LRRIQ3: variants seen among roughly 807,000 people sequenced by gnomAD.
The protein encoded by LRRIQ3 is leucine rich repeats and IQ motif containing 3.
LRRIQ3 carries 75 observed loss-of-function variants against 59.3 expected under a neutral mutation model. That is an observed-to-expected ratio of 1.26 (90% CI 1.05 to 1.53). The LOEUF (loss-of-function observed/expected upper bound fraction) is 1.53. Ranked by LOEUF, LRRIQ3 falls within the 40% of genes most tolerant of loss-of-function variation. The pLI, the probability that LRRIQ3 is intolerant of heterozygous loss-of-function variation, is 0.00. For synonymous variants in LRRIQ3, 250 were observed against 231.3 expected, an observed-to-expected ratio of 1.08 and a Z score of -0.73; for missense variants, 831 against 710.0, an observed-to-expected ratio of 1.17 and a Z score of -1.94.
chr1:74,180,813 A>G (rs879094592), intron 3 of LRRIQ3: 1 of 1,548,072 alleles, frequency 6.5e-7, no homozygotes, highest in South Asian at 1.2e-5. Flanking sequence ...CCAAGGAAAC[A>G]ATGAGGAATA....
intron 4 of LRRIQ3, among the ~76,000 whole-genome samples, chr1:74,141,860 T>C (rs1430246362): frequency 6.6e-6 from 1 of 151,878 alleles, no homozygotes; most frequent in Non-Finnish European, 1.5e-5. Flanking sequence ...GAGTATCAAC[T>C]GAAAAGCAGT....
At chr1:74,098,653 A>T (rs1646485217) in intron 5 of LRRIQ3, among the ~76,000 whole-genome samples, 1 of 152,174 alleles carries the variant, frequency 6.6e-6, no homozygotes, top group South Asian at 2.1e-4. Context: ...TATAGTTGCA[A>T]GTAAAGCACT....
At chr1:74,062,081 T>G (rs929469275) in intron 6 of LRRIQ3, among the ~76,000 whole-genome samples, 45 of 152,108 alleles carry the variant, frequency 3.0e-4, no homozygotes, top group African/African-American at 6.5e-4. Flanking sequence ...TTAAAAAGCT[T>G]CTTCTGCAAG....
At chr1:74,143,058 C>A (rs991213402) in intron 4 of LRRIQ3, among the ~76,000 whole-genome samples, 1 of 151,978 alleles carries the variant, frequency 6.6e-6, no homozygotes, top group African/African-American at 2.4e-5. Context: ...ATATAAACAT[C>A]TATTTTTTAT....
chr1:74,172,127 T>C (rs565909916), intron 3 of LRRIQ3, among the ~76,000 whole-genome samples: 1 of 152,278 alleles, frequency 6.6e-6, no homozygotes, highest in Non-Finnish European at 1.5e-5. Context: ...TTTGTTTCTT[T>C]ATTTCTGCCA....
intron 3 of LRRIQ3, among the ~76,000 whole-genome samples, chr1:74,158,561 G>T (rs555221394): frequency 1.3e-5 from 2 of 152,176 alleles, no homozygotes; most frequent in South Asian, 4.1e-4. Flanking sequence ...TCTTGATGTT[G>T]ATCTGCATTC....
intron 5 of LRRIQ3, among the ~76,000 whole-genome samples, chr1:74,093,076 G>T (rs987980419): frequency 1.3e-4 from 20 of 151,686 alleles, no homozygotes; most frequent in African/African-American, 4.8e-4. Flanking sequence ...AGAAACTACT[G>T]ACATCAAATA....
intron 4 of LRRIQ3, among the ~76,000 whole-genome samples, chr1:74,145,708 AT>A (rs1159616696): frequency 6.6e-6 from 1 of 151,806 alleles, no homozygotes; most frequent in African/African-American, 2.4e-5. Flanking sequence ...TGAATTACTA[AT>A]TTTTTTCTTA....
intron 6 of LRRIQ3, among the ~76,000 whole-genome samples, chr1:74,073,620 A>C (rs11810500): frequency 7.9e-5 from 12 of 151,310 alleles, no homozygotes; most frequent in Non-Finnish European, 1.3e-4. Flanking sequence ...TAAAAAAAAA[A>C]AAAAACAGTT....
chr1:74,085,476 G>T (rs2100504891), intron 5 of LRRIQ3, among the ~76,000 whole-genome samples: 1 of 151,856 alleles, frequency 6.6e-6, no homozygotes, highest in South Asian at 2.1e-4. Context: ...ATCAGAGAGA[G>T]ACTAATTTCC....
chr1:74,170,685 T>C (rs1343029545), intron 3 of LRRIQ3, among the ~76,000 whole-genome samples: 1 of 152,144 alleles, frequency 6.6e-6, no homozygotes, highest in East Asian at 1.9e-4. Flanking sequence ...CCATATTAAT[T>C]TTAGGATTTT....
At chr1:74,126,571 G>T (rs1013919809) in intron 4 of LRRIQ3, among the ~76,000 whole-genome samples, 1 of 151,868 alleles carries the variant, frequency 6.6e-6, no homozygotes, top group East Asian at 1.9e-4. Flanking sequence ...TTCGTTTAAA[G>T]AAATTTTTAA....
chr1:74,172,322 G>A (rs907191655), intron 3 of LRRIQ3, among the ~76,000 whole-genome samples: 1 of 151,970 alleles, frequency 6.6e-6, no homozygotes, highest in African/African-American at 2.4e-5. Flanking sequence ...ACTTGTATCA[G>A]TGTTTTATAA....
At chr1:74,099,426 C>A (rs1410790340) in intron 5 of LRRIQ3, among the ~76,000 whole-genome samples, 2 of 152,080 alleles carry the variant, frequency 1.3e-5, no homozygotes, top group African/African-American at 4.8e-5. Flanking sequence ...AGCCTACCAA[C>A]CAAAAAATGT....
At chr1:74,134,251 A>T (rs1368704657) in intron 4 of LRRIQ3, among the ~76,000 whole-genome samples, 1 of 152,070 alleles carries the variant, frequency 6.6e-6, no homozygotes, top group Non-Finnish European at 1.5e-5. Flanking sequence ...ACCAAATGAA[A>T]AGTCTTTATT....
chr1:74,033,567 A>T (rs1278477830), intron 7 of LRRIQ3, among the ~76,000 whole-genome samples: 1 of 151,882 alleles, frequency 6.6e-6, no homozygotes, highest in Non-Finnish European at 1.5e-5. Context: ...TGATAAGAGG[A>T]TCTTTGTATG....
chr1:74,158,640 T>C (rs941629473), intron 3 of LRRIQ3, among the ~76,000 whole-genome samples: 2 of 152,028 alleles, frequency 1.3e-5, no homozygotes, highest in Non-Finnish European at 2.9e-5. Flanking sequence ...CAATGTTGAG[T>C]TTTACCTGAC....
At chr1:74,148,808 G>C (rs2100652735) in intron 4 of LRRIQ3, among the ~76,000 whole-genome samples, 1 of 152,220 alleles carries the variant, frequency 6.6e-6, no homozygotes, top group East Asian at 1.9e-4. Context: ...AGCCATGTGG[G>C]TCACCTAGGA....
At chr1:74,060,061 A>G (rs1404664419) in intron 6 of LRRIQ3, among the ~76,000 whole-genome samples, 1 of 151,988 alleles carries the variant, frequency 6.6e-6, no homozygotes, top group African/African-American at 2.4e-5. Flanking sequence ...TTCTTTGCAT[A>G]TTGTTCATTG....
Sources: gnomAD v4.1 joint callset for allele counts (sites outside exome capture counted in the v4.1 genomes callset) on GRCh38, gnomAD v4.1.1 for gene constraint, MANE v1.5 for transcripts, NCBI Gene and HGNC (gene_info 2026-07-23, HGNC 2026-07-21) for gene names.